The following WNK1 variants were observed in gnomAD, a reference collection of about 807,000 sequenced individuals.
WNK1 encodes the protein serine/threonine-protein kinase WNK1.
WNK1 carries 38 observed loss-of-function variants against 222.8 expected under a neutral mutation model. The observed-to-expected ratio is 0.17, with a 90% confidence interval of 0.13 to 0.22. The LOEUF (loss-of-function observed/expected upper bound fraction) is 0.22. Among genes scored for constraint, WNK1 ranks in the 10% least tolerant of loss-of-function variants. WNK1 has a pLI of 1.00. For missense variants in WNK1, 2,348 were observed against 2,918.4 expected (o/e 0.80, Z 4.50); for synonymous variants, 1,090 against 1,092.9 (o/e 1.00, Z 0.05).
In WNK1 at chr12:754,038, G is replaced by C. The variant is rs920732487; in HGVS notation, c.473G>C (p.Ser158Thr). 86 of 1,593,634 alleles carry C rather than the reference G, an allele frequency of 5.4e-5. No individual in the cohort carries two copies. The highest frequency in any genetic ancestry group is 7.3e-5 in the Non-Finnish European group (86 of 1,170,528). ...GGCCCTGCCCCCTCGACTGTCCCCAGCAGTACCAGCAAAGACCGCCCAGTG... is the reference window on the plus strand; with the variant it reads ...GGCCCTGCCCCCTCGACTGTCCCCACCAGTACCAGCAAAGACCGCCCAGTG... ...VAGPAPSTVP[S>T]STSKDRPVSQ... Residue 158 changes from serine (S) to threonine (T), a missense_variant, in exon 1 of 28, where the codon AGC becomes ACC. Coordinates refer to ENST00000315939, the MANE Select transcript of WNK1 (RefSeq NM_018979.4).
chr12:844,010 A>T (rs1949825600), intron 4 of WNK1, among the ~76,000 whole-genome samples: 1 of 152,184 alleles, frequency 6.6e-6, no homozygotes, highest in Admixed American at 6.5e-5. Context: ...TCATTCATGT[A>T]AACTTTTAAG....
chr12:887,167 G>A (rs1021992202), intron 19 of WNK1, 54 bp from the exon 20 acceptor site: 79 of 1,475,330 alleles, frequency 5.4e-5, no homozygotes, highest in Middle Eastern at 1.7e-4. Flanking sequence ...TCTTCAGTAC[G>A]CAGTCTTTAT....
At chr12:899,787 A>C (rs1394609459) in intron 25 of WNK1, among the ~76,000 whole-genome samples, 2 of 152,140 alleles carry the variant, frequency 1.3e-5, no homozygotes, top group African/African-American at 4.8e-5. Flanking sequence ...ATGCACGTTT[A>C]TAGGAAAGTC....
chr12:901,028 C>A, intron 26 of WNK1: 1 of 347,364 alleles, frequency 2.9e-6, no homozygotes. Context: ...TTTTCTTAGC[C>A]ATTGTAGAAT....
intron 2 of WNK1, among the ~76,000 whole-genome samples, chr12:817,629 A>C (rs890031872): frequency 9.9e-5 from 15 of 152,132 alleles, no homozygotes; most frequent in African/African-American, 3.6e-4. Context: ...ATAAGATGGG[A>C]ATGTATGAGT....
chr12:883,649 G>A (rs902988620), intron 16 of WNK1, 81 bp downstream of exon 16: 2 of 1,603,338 alleles, frequency 1.2e-6, no homozygotes, highest in South Asian at 2.2e-5. Flanking sequence ...AAAATGTCCA[G>A]TGATATCACC....
Position 881,011 on chromosome 12 carries a change from T to C in WNK1, c.3111+12T>C. The C allele has an allele frequency of 4.3e-6, 7 of 1,614,092 alleles. No individual in the cohort carries two copies. The highest frequency in any genetic ancestry group is 5.9e-6 in the Non-Finnish European group (7 of 1,179,988). On this transcript the variant is annotated intron_variant, in intron 12 of 27. Transcript: ENST00000315939. ...AAGCAGTTTTGGAGGTAAATAGAAT[T>C]ACTGCATGTTTATATGTAAAACGTA... is the stretch of plus-strand genomic sequence containing the variant.
At chr12:768,722 T>G (rs1286408710) in intron 1 of WNK1, among the ~76,000 whole-genome samples, 1 of 152,194 alleles carries the variant, frequency 6.6e-6, no homozygotes, top group African/African-American at 2.4e-5. Context: ...CTTATTCTCT[T>G]AATGAGTAAA....
chr12:869,879 T>C (rs1951996376), intron 8 of WNK1, among the ~76,000 whole-genome samples: 3 of 152,092 alleles, frequency 2.0e-5, no homozygotes, highest in Non-Finnish European at 2.9e-5. Flanking sequence ...ATCTTAGGCC[T>C]TGTATTTTCC....
chr12:759,444 C>T (rs1940694884), intron 1 of WNK1, among the ~76,000 whole-genome samples: 1 of 147,466 alleles, frequency 6.8e-6, no homozygotes, highest in Admixed American at 6.7e-5. Context: ...AATGCTCCTG[C>T]CTCAGCCCCC....
chr12:794,789 T>A (rs1292864528), intron 1 of WNK1, among the ~76,000 whole-genome samples: 1 of 152,232 alleles, frequency 6.6e-6, no homozygotes, highest in Non-Finnish European at 1.5e-5. Flanking sequence ...TCTTGCTCTG[T>A]CATCTTGGCT....
At chr12:859,041 ATTG>A (rs1950996253) in intron 5 of WNK1, among the ~76,000 whole-genome samples, 3 of 152,324 alleles carry the variant, frequency 2.0e-5, no homozygotes, top group South Asian at 2.1e-4. Flanking sequence ...CATGAATGAG[ATTG>A]TTATGATGTT....
At position 861,552 on chromosome 12, in the gene WNK1, A is replaced by T. The variant is rs11064575; in HGVS notation, c.1951+209A>T. Among the ~76,000 whole-genome samples, 64,221 of 152,012 alleles carry T rather than the reference A, an allele frequency of 0.42. 15,182 individuals are homozygous for T. Among genetic ancestry groups the T allele is most frequent in the East Asian group, 0.81 (4,211 of 5,182 alleles). ...GGGGTGGTAAGGAAATGTGATTAGGATACAAAATAATTTTATAAGCTTCAA... is the reference window on the plus strand; with the variant it reads ...GGGGTGGTAAGGAAATGTGATTAGGTTACAAAATAATTTTATAAGCTTCAA... On this transcript the variant is annotated intron_variant, in intron 7 of 27. Transcript: ENST00000315939.
chr12:900,852 T>A (rs772864632), intron 26 of WNK1, 182 bp downstream of exon 26: 1 of 757,752 alleles, frequency 1.3e-6, no homozygotes, highest in Non-Finnish European at 2.3e-6. Flanking sequence ...GGCTCACTGC[T>A]CCCATTAGGT....
At position 909,516 on chromosome 12, in the gene WNK1, A is replaced by C. The variant is rs1459913304; in HGVS notation, c.*724A>C. 1 of 152,260 alleles carries C rather than the reference A, an allele frequency of 6.6e-6. No homozygotes were observed. 9.4% of individuals were successfully genotyped at this position (152,260 alleles called of 1,614,324 possible). ...GTTGGACAACAGTAGTTTTAAGAGT[A>C]AAATATGAAACGTTTAAAAAGTTCC... On this transcript the variant is annotated 3_prime_UTR_variant, in exon 28 of 28. Coordinates refer to ENST00000315939, the MANE Select transcript of WNK1 (RefSeq NM_018979.4).
At chr12:854,875 G>A (rs898343868) in intron 4 of WNK1, among the ~76,000 whole-genome samples, 28 of 152,132 alleles carry the variant, frequency 1.8e-4, no homozygotes, top group Admixed American at 1.4e-3. Flanking sequence ...CTAATACACC[G>A]TGAGTGCTAT....
intron 4 of WNK1, among the ~76,000 whole-genome samples, chr12:837,948 T>C (rs968973543): frequency 2.4e-4 from 37 of 152,230 alleles, no homozygotes; most frequent in Non-Finnish European, 3.8e-4. Flanking sequence ...GGACATTTCA[T>C]CTAAATAGAG....
At chr12:774,514 G>A (rs753927699) in intron 1 of WNK1, among the ~76,000 whole-genome samples, 3 of 152,202 alleles carry the variant, frequency 2.0e-5, no homozygotes, top group Non-Finnish European at 4.4e-5. Flanking sequence ...AAGGGAATTT[G>A]CCTACTTAGC....
At chr12:871,465 A>G (rs1201532889) in intron 9 of WNK1, 117 bp downstream of exon 9, 3 of 940,524 alleles carry the variant, frequency 3.2e-6, no homozygotes, top group Admixed American at 3.9e-5. Context: ...ATTAAGAGGC[A>G]TACCATGTCT....
Sources: gnomAD v4.1 joint callset for allele counts (sites outside exome capture counted in the v4.1 genomes callset) on GRCh38, gnomAD v4.1.1 for gene constraint, MANE v1.5 for transcripts, NCBI Gene and HGNC (gene_info 2026-07-23, HGNC 2026-07-21) for gene names.